Variants in CDKAL1 observed in about 807,000 individuals in gnomAD.
CDKAL1 encodes threonylcarbamoyladenosine tRNA methylthiotransferase.
CDKAL1 carries 32 observed loss-of-function variants against 68.2 expected under a neutral mutation model. The observed-to-expected ratio is 0.47, with a 90% CI of 0.35 to 0.63. The LOEUF (loss-of-function observed/expected upper bound fraction) is 0.63. Ranked by LOEUF, CDKAL1 falls within the 30% of genes least tolerant of loss-of-function variation. CDKAL1 has a pLI of 0.00. For missense variants in CDKAL1, 606 were observed against 696.7 expected (o/e 0.87, Z 1.47); for synonymous variants, 234 against 244.3 (o/e 0.96, Z 0.39).
intron 5 of CDKAL1, among the ~76,000 whole-genome samples, chr6:20,711,699 A>C (rs1015999967): frequency 1.3e-5 from 2 of 152,218 alleles, no homozygotes; most frequent in Non-Finnish European, 2.9e-5. Flanking sequence ...CCATGGCTTA[A>C]TGATATCTTC....
intron 7 of CDKAL1, among the ~76,000 whole-genome samples, chr6:20,777,564 G>A (rs774351399): frequency 9.2e-5 from 14 of 152,184 alleles, no homozygotes; most frequent in South Asian, 2.1e-4. Flanking sequence ...GCAGTGAGCC[G>A]TGATTGTGCC....
In CDKAL1 at chr6:21,108,449, C is replaced by T; in HGVS notation, c.1285C>T (p.Pro429Ser). The T allele has an allele frequency of 6.2e-7, 1 of 1,600,266 alleles. No individual in the cohort carries two copies. The highest frequency in any genetic ancestry group is 8.5e-7 in the Non-Finnish European group (1 of 1,173,494). Reference sequence around the variant, plus strand: ...TTCTCGGGTGTTTCATTCTTACAGTCCATATGATCACAAGGTAAGAGAAGC... The same window carrying T: ...TTCTCGGGTGTTTCATTCTTACAGTTCATATGATCACAAGGTAAGAGAAGC... ...DLSRVFHSYS[P>S]YDHKIGERQQ... Residue 429 changes from proline to serine, a missense_variant, in exon 13 of 16, where the codon CCA becomes TCA. Physicochemically the swap from Pro to Ser is moderately conservative, Grantham distance 74. Transcript: ENST00000274695.
chr6:21,208,297 G>A (rs1271453171), intron 15 of CDKAL1, among the ~76,000 whole-genome samples: 2 of 152,136 alleles, frequency 1.3e-5, no homozygotes, highest in African/African-American at 2.4e-5. Flanking sequence ...TGAGTTTTAT[G>A]TACAAACTAT....
intron 2 of CDKAL1, among the ~76,000 whole-genome samples, chr6:20,545,858 T>C (rs1763579703): frequency 6.6e-6 from 1 of 152,234 alleles, no homozygotes; most frequent in African/African-American, 2.4e-5. Context: ...ATAAAATTTT[T>C]GAATATAAGG....
intron 4 of CDKAL1, among the ~76,000 whole-genome samples, chr6:20,616,839 C>CCCCA (rs1554164140): frequency 8.2e-6 from 1 of 121,312 alleles, no homozygotes; most frequent in South Asian, 2.9e-4. Flanking sequence ...CCCGACTCTA[C>CCCCA]CACACACACA....
chr6:21,169,871 G>T (rs140276963), intron 13 of CDKAL1, among the ~76,000 whole-genome samples: 1 of 151,724 alleles, frequency 6.6e-6, no homozygotes, highest in African/African-American at 2.4e-5. Flanking sequence ...TTTGTAAAGC[G>T]GTCAGATCTC....
chr6:20,826,789 C>T (rs1223639753), intron 8 of CDKAL1, among the ~76,000 whole-genome samples: 1 of 152,114 alleles, frequency 6.6e-6, no homozygotes, highest in Non-Finnish European at 1.5e-5. Flanking sequence ...CTTTTCATTT[C>T]CTTATAGATT....
Position 20,890,696 on chromosome 6 carries a change from C to T in CDKAL1, c.742+44518C>T, listed in dbSNP as rs184896129. Reference sequence around the variant, plus strand: ...TTACCCTGGGGAGATTCTGCGTCAGCGGGTCTAAGATGCTGTCATACCATT... The same window carrying T: ...TTACCCTGGGGAGATTCTGCGTCAGTGGGTCTAAGATGCTGTCATACCATT... On this transcript the variant is annotated intron_variant, in intron 9 of 15. Coordinates refer to ENST00000274695, the MANE Select transcript of CDKAL1 (RefSeq NM_017774.3). Among the ~76,000 whole-genome samples, 377 of 152,140 alleles carry T rather than the reference C, an allele frequency of 2.5e-3. 1 individual carries two copies. The highest frequency in any genetic ancestry group is 4.1e-3 in the Non-Finnish European group (278 of 68,004).
At chr6:20,655,251 A>G (rs985805172) in intron 5 of CDKAL1, among the ~76,000 whole-genome samples, 10 of 152,308 alleles carry the variant, frequency 6.6e-5, no homozygotes, top group Admixed American at 5.2e-4. Flanking sequence ...TGCCTTGGTC[A>G]GGGACTTAGT....
At position 21,065,041 on chromosome 6, in the gene CDKAL1, T is replaced by A. The variant is rs751279857; in HGVS notation, c.1056-7T>A. On this transcript the variant is annotated splice_region_variant and splice_polypyrimidine_tract_variant and intron_variant, in intron 11 of 15. Coordinates refer to ENST00000274695, the MANE Select transcript of CDKAL1 (RefSeq NM_017774.3). Reference sequence around the variant, plus strand: ...AGTTTTTACATTTTTGTCTTGTTATTTTCTAGAGTTCCTGGAATAACTATT... The same window carrying A: ...AGTTTTTACATTTTTGTCTTGTTATATTCTAGAGTTCCTGGAATAACTATT... The A allele has an allele frequency of 5.9e-6, 9 of 1,523,722 alleles. No individual in the cohort carries two copies. In the African/African-American group the frequency reaches 1.3e-4, roughly 21 times the overall value. 94.4% of individuals were successfully genotyped at this position (1,523,722 alleles called of 1,614,324 possible).
intron 13 of CDKAL1, among the ~76,000 whole-genome samples, chr6:21,154,718 A>G (rs953590648): frequency 6.6e-6 from 1 of 152,180 alleles, no homozygotes; most frequent in Non-Finnish European, 1.5e-5. Flanking sequence ...GGCTGGGCAC[A>G]GTGGCTCACA....
chr6:20,965,421 G>A (rs1476002021), intron 10 of CDKAL1, among the ~76,000 whole-genome samples: 1 of 142,444 alleles, frequency 7.0e-6, no homozygotes, highest in African/African-American at 2.8e-5. Context: ...GTATCGAGAG[G>A]GGAGGGGAGG....
intron 9 of CDKAL1, among the ~76,000 whole-genome samples, chr6:20,882,028 A>G (rs9460567): frequency 0.96 from 145,943 of 152,274 alleles, 69,951 homozygotes; most frequent in East Asian, 1. Flanking sequence ...GAATCATGCG[A>G]TATGTAGCCT....
At chr6:20,779,830 G>C (rs1775336919) in intron 7 of CDKAL1, among the ~76,000 whole-genome samples, 1 of 151,968 alleles carries the variant, frequency 6.6e-6, no homozygotes, top group Non-Finnish European at 1.5e-5. Context: ...CAAAGTGCTG[G>C]GATTACAGGT....
At chr6:20,582,537 T>C (rs1346403229) in intron 4 of CDKAL1, among the ~76,000 whole-genome samples, 1 of 152,198 alleles carries the variant, frequency 6.6e-6, no homozygotes, top group African/African-American at 2.4e-5. Flanking sequence ...CTCTAGAACC[T>C]CTTTTTGAGT....
chr6:20,888,992 G>A (rs1761237550), intron 9 of CDKAL1, among the ~76,000 whole-genome samples: 1 of 152,190 alleles, frequency 6.6e-6, no homozygotes, highest in Non-Finnish European at 1.5e-5. Context: ...CACCAACAGT[G>A]TCAAAGTGTT....
At chr6:20,544,364 G>A (rs28699301) in intron 2 of CDKAL1, among the ~76,000 whole-genome samples, 10 of 151,456 alleles carry the variant, frequency 6.6e-5, no homozygotes, top group African/African-American at 9.7e-5. Context: ...TTGGGAGGCC[G>A]AGACGGGCGG....
chr6:21,125,400 C>T (rs530392280), intron 13 of CDKAL1, among the ~76,000 whole-genome samples: 17 of 152,262 alleles, frequency 1.1e-4, no homozygotes, highest in African/African-American at 3.9e-4. Context: ...TAGTCGGGCA[C>T]AGTGGCTCAC....
chr6:21,143,752 C>T (rs1041582453), intron 13 of CDKAL1, among the ~76,000 whole-genome samples: 3 of 152,110 alleles, frequency 2.0e-5, no homozygotes, highest in Admixed American at 2.0e-4. Flanking sequence ...ATTAAGTCAA[C>T]CTGAAAGATT....
Sources: allele counts gnomAD v4.1 joint callset (sites outside exome capture counted in the v4.1 genomes callset), GRCh38; gene constraint gnomAD v4.1.1; transcripts MANE v1.5; gene names NCBI Gene and HGNC (gene_info 2026-07-23, HGNC 2026-07-21).